PCDHA4: variants seen among roughly 807,000 people sequenced by gnomAD.
PCDHA4 encodes protocadherin alpha-4.
A neutral mutation model predicts 61.4 loss-of-function variants in PCDHA4; 49 were observed. The observed-to-expected ratio is 0.80, with a 90% CI of 0.63 to 1.01. The LOEUF is 1.01. Ranked by LOEUF, PCDHA4 falls within the 50% of genes least tolerant of loss-of-function variation. PCDHA4 has a pLI of 0.00. For synonymous variants in PCDHA4, 590 were observed against 550.3 expected, an observed-to-expected ratio of 1.07 and a Z score of -1.01; for missense variants, 1,254 against 1,235.8, an observed-to-expected ratio of 1.01 and a Z score of -0.22.
At chr5:140,883,165 T>C in intron 1 of PCDHA4, 1 of 1,613,752 alleles carries the variant, frequency 6.2e-7, no homozygotes, top group Non-Finnish European at 8.5e-7. Context: ...ATCCGAACAA[T>C]GGAGAAATTA....
Position 140,843,748 on chromosome 5 carries a change from C to A in PCDHA4, c.2385+34176C>A. On this transcript the variant is annotated intron_variant, in intron 1 of 3. Coordinates refer to ENST00000530339, the MANE Select transcript of PCDHA4 (RefSeq NM_018907.4). ...CATTTAAATTTAGAACTCATAAATT[C>A]TATTTGTGGAAATTGTAGTTACTTT... is the stretch of plus-strand genomic sequence containing the variant. 1.3e-6 allele frequency: 2 copies of A among 1,523,192 alleles called. 1 individual carries two copies. Among genetic ancestry groups the A allele is most frequent in the Non-Finnish European group, 1.8e-6 (2 of 1,110,082 alleles). 94.4% of individuals were successfully genotyped at this position (1,523,192 alleles called of 1,614,324 possible). A position where few individuals can be genotyped will look rare whatever the true frequency, so the allele number is the denominator to read the frequency against.
chr5:140,890,173 C>T (rs1188650558), intron 1 of PCDHA4, among the ~76,000 whole-genome samples: 4 of 152,114 alleles, frequency 2.6e-5, no homozygotes, highest in African/African-American at 7.2e-5. Context: ...CAGAAATAGG[C>T]AAATGCTACA....
At chr5:140,815,439 C>T (rs1765726626) in intron 1 of PCDHA4, 1 of 152,064 alleles carries the variant, frequency 6.6e-6, no homozygotes, top group Non-Finnish European at 1.5e-5. Context: ...AGCATCTTTA[C>T]TACAATCACA....
At chr5:140,966,692 G>A in intron 1 of PCDHA4, 2 of 1,352,080 alleles carry the variant, frequency 1.5e-6, no homozygotes, top group East Asian at 2.9e-5. Context: ...CGGAGGCGGG[G>A]CCCGGGCGTG....
chr5:140,920,360 C>T (rs1049389066), intron 1 of PCDHA4, among the ~76,000 whole-genome samples: 2 of 151,950 alleles, frequency 1.3e-5, no homozygotes, highest in Non-Finnish European at 2.9e-5. Context: ...TAGTTCTATT[C>T]ATTTATTCTT....
At chr5:140,886,605 A>G (rs998772471) in intron 1 of PCDHA4, among the ~76,000 whole-genome samples, 2 of 152,108 alleles carry the variant, frequency 1.3e-5, no homozygotes, top group Non-Finnish European at 2.9e-5. Flanking sequence ...AGGTGGGCGG[A>G]TCAGGAGATC....
In PCDHA4 at chr5:140,808,856, G is replaced by A. The variant is rs1764280516; in HGVS notation, c.1669G>A (p.Asp557Asn). Residue 557 changes from aspartate to asparagine, a missense_variant, in exon 1 of 4, where the codon GAC becomes AAC. Physicochemically the swap from Asp to Asn is conservative, Grantham distance 23. Coordinates refer to ENST00000530339, the MANE Select transcript of PCDHA4 (RefSeq NM_018907.4). ...CGTGACGCTGCAGGTGTTCGTGCTG[G>A]ACGAAAACGACAACGCGCCAGCACT... ...SNVTLQVFVL[D>N]ENDNAPALLA... The A allele has an allele frequency of 6.2e-7, 1 of 1,613,126 alleles. No homozygotes were observed. Among genetic ancestry groups the A allele is most frequent in the African/African-American group, 1.3e-5 (1 of 75,062 alleles).
chr5:140,928,944 A>G (rs782627710), intron 1 of PCDHA4: 1 of 1,614,070 alleles, frequency 6.2e-7, no homozygotes, highest in South Asian at 1.1e-5. Context: ...ACTTGTATTT[A>G]GTAATTGCCT....
In PCDHA4 at chr5:140,855,633, A is replaced by G. The variant is rs2043544595; in HGVS notation, c.2385+46061A>G. On this transcript the variant is annotated intron_variant, in intron 1 of 3. Transcript: ENST00000530339. ...ATTAAGGGCATTTTGAAATTCGGCT[A>G]TTGATAATCATGTGGTTAGGGAAGA... 1.3e-5 allele frequency among the ~76,000 whole-genome samples: 2 copies of G among 149,874 alleles called. 1 individual carries two copies. Among genetic ancestry groups the G allele is most frequent in the African/African-American group, 4.9e-5 (2 of 40,848 alleles).
rs377081112 is a variant in PCDHA4 at position 140,871,063 on chromosome 5, G to T, written c.2385+61491G>T. The T allele has an allele frequency of 1.1e-5, 18 of 1,613,154 alleles. No homozygotes were observed. In the African/African-American group the frequency reaches 2.0e-4, roughly 18 times the overall value. On this transcript the variant is annotated intron_variant, in intron 1 of 3. Transcript: ENST00000530339. ...ACTTCTAGTACTGGTGAAGGATCAC[G>T]GTGAGCCGGCGCTGACGGCCACGGC...
At chr5:140,851,067 G>A in intron 1 of PCDHA4, 4 of 1,367,668 alleles carry the variant, frequency 2.9e-6, no homozygotes, top group Non-Finnish European at 3.8e-6. Context: ...CTTCTAGTGA[G>A]AATTATAAAC....
chr5:140,983,308 T>C (rs2153831139), intron 3 of PCDHA4, among the ~76,000 whole-genome samples: 1 of 152,322 alleles, frequency 6.6e-6, no homozygotes, highest in East Asian at 1.9e-4. Context: ...CACATTTGCT[T>C]GGTATCCTTA....
intron 1 of PCDHA4, among the ~76,000 whole-genome samples, chr5:140,978,377 G>GT (rs1554239246): frequency 6.6e-6 from 1 of 152,212 alleles, no homozygotes; most frequent in Non-Finnish European, 1.5e-5. Context: ...GCAATAGTTT[G>GT]TTTTCCTCTC....
chr5:140,877,062 G>T, intron 1 of PCDHA4: 3 of 1,612,992 alleles, frequency 1.9e-6, no homozygotes, highest in Non-Finnish European at 2.5e-6. Flanking sequence ...AGCTGGAGCT[G>T]CTGCAGTTCC....
At chr5:140,867,932 T>C (rs2050205695) in intron 1 of PCDHA4, 1 of 152,146 alleles carries the variant, frequency 6.6e-6, no homozygotes, top group Non-Finnish European at 1.5e-5. Context: ...TTCCCTTGTT[T>C]TCCATGAACT....
Position 140,808,145 on chromosome 5 carries a change from G to A in PCDHA4, c.958G>A (p.Val320Ile). 6.2e-7 allele frequency: 1 copy of A among 1,614,118 alleles called. No individual in the cohort carries two copies. The highest frequency in any genetic ancestry group is 1.3e-5 in the African/African-American group (1 of 75,050). Reference sequence around the variant, plus strand: ...AGAAAGCAAATCCTATGAAATTATTGTAGAGGGCATTGATAAGGGACAGCT... The same window carrying A: ...AGAAAGCAAATCCTATGAAATTATTATAGAGGGCATTGATAAGGGACAGCT... The part of the protein sequence containing the change: ...FEESKSYEII[V>I]EGIDKGQLPL... The change falls in exon 1 of 4, where the codon GTA becomes ATA. Residue 320 changes from valine to isoleucine, a missense_variant. By Grantham distance (29) the Val-to-Ile change is conservative. Coordinates refer to ENST00000530339, the MANE Select transcript of PCDHA4 (RefSeq NM_018907.4).
At chr5:140,850,883 T>G in intron 1 of PCDHA4, 1 of 1,582,476 alleles carries the variant, frequency 6.3e-7, no homozygotes, top group Non-Finnish European at 8.6e-7. Context: ...CAGATTCAAC[T>G]GGGAAGGTGG....
chr5:140,934,705 C>T (rs1235956763), intron 1 of PCDHA4, among the ~76,000 whole-genome samples: 8 of 152,132 alleles, frequency 5.3e-5, no homozygotes, highest in African/African-American at 1.9e-4. Flanking sequence ...TCCTGGCCAT[C>T]TTACAAAAAG....
At chr5:140,977,911 A>T (rs2096780139) in intron 1 of PCDHA4, among the ~76,000 whole-genome samples, 1 of 152,002 alleles carries the variant, frequency 6.6e-6, no homozygotes, top group Non-Finnish European at 1.5e-5. Flanking sequence ...TTTATCCCCC[A>T]TTTTTTTCAT....
Sources: allele counts gnomAD v4.1 joint callset (sites outside exome capture counted in the v4.1 genomes callset), GRCh38; gene constraint gnomAD v4.1.1; transcripts MANE v1.5; gene names NCBI Gene and HGNC (gene_info 2026-07-23, HGNC 2026-07-21).